Variants in MAOA observed in about 807,000 individuals in gnomAD.
MAOA encodes the protein amine oxidase [flavin-containing] A.
In MAOA, 6 loss-of-function variants were observed where a neutral mutation model predicts 42.0. That is an observed-to-expected ratio of 0.14 (90% CI 0.08 to 0.28). The LOEUF (loss-of-function observed/expected upper bound fraction) is 0.28, where lower values mean the gene tolerates loss of function less well. Ranked by LOEUF, MAOA falls within the 10% of genes least tolerant of loss-of-function variation. The pLI is 1.00. For missense variants in MAOA, 262 were observed against 422.3 expected (o/e 0.62, Z 3.33); for synonymous variants, 140 against 154.0 (o/e 0.91, Z 0.67).
At chrX:43,698,622 G>A (rs1418521084) in intron 3 of MAOA, among the ~76,000 whole-genome samples, 1 of 112,056 alleles carries the variant, frequency 8.9e-6, no homozygotes, top group Non-Finnish European at 1.9e-5. Context: ...CTGCCCTCAT[G>A]GTCCTTCTAA....
At chrX:43,706,525 C>T in intron 3 of MAOA, among the ~76,000 whole-genome samples, 1 of 110,742 alleles carries the variant, frequency 9.0e-6, no homozygotes, top group Middle Eastern at 4.7e-3. Flanking sequence ...TGGGTCATGC[C>T]TGTAATCCCA....
chrX:43,718,646 CGTT>C (rs1404709470), intron 5 of MAOA, among the ~76,000 whole-genome samples: 1 of 108,356 alleles, frequency 9.2e-6, no homozygotes, highest in Non-Finnish European at 1.9e-5. Context: ...GGCATGGTAT[CGTT>C]GTGGAATGAC....
At chrX:43,710,801 T>G (rs1261708970) in intron 3 of MAOA, among the ~76,000 whole-genome samples, 1 of 111,989 alleles carries the variant, frequency 8.9e-6, no homozygotes, top group African/African-American at 3.3e-5. Context: ...CATCTTCATA[T>G]TAGAGGTCTT....
Position 43,711,978 on chromosome X carries a change from T to C in MAOA, c.411+2T>C. 1.8e-5 allele frequency: 19 copies of C among 1,067,346 alleles called. No homozygotes were observed. The highest frequency in any genetic ancestry group is 2.5e-5 in the Non-Finnish European group (19 of 764,575). 88.0% of individuals were successfully genotyped at this position (1,067,346 alleles called of 1,213,427 possible). On this transcript the variant is annotated splice_donor_variant, in intron 4 of 14. Coordinates refer to ENST00000338702, the MANE Select transcript of MAOA (RefSeq NM_000240.4). LOFTEE classifies it high-confidence loss of function. ...ACAATAGATAACATGGGGAAGGAGG[T>C]AAAATGTGTGTTCAGTTTGCACATG...
chrX:43,723,527 A>G (rs1415380398), intron 5 of MAOA, among the ~76,000 whole-genome samples: 1 of 111,894 alleles, frequency 8.9e-6, no homozygotes, highest in Non-Finnish European at 1.9e-5. Flanking sequence ...ATTTTTGCAC[A>G]TTGATTTTGT....
intron 3 of MAOA, among the ~76,000 whole-genome samples, chrX:43,709,505 G>A (rs1445148022): frequency 1.8e-5 from 2 of 111,412 alleles, no homozygotes; most frequent in Non-Finnish European, 3.8e-5. Flanking sequence ...CGCCTCCTGG[G>A]TTCAAGCAAT....
intron 1 of MAOA, among the ~76,000 whole-genome samples, chrX:43,682,125 C>A: frequency 9.0e-6 from 1 of 111,247 alleles, no homozygotes; most frequent in Admixed American, 9.6e-5. Flanking sequence ...TCGTGATCCA[C>A]CTGCCTTGGC....
At position 43,736,211 on chromosome X, in the gene MAOA, T is replaced by C; in HGVS notation, c.1053-16T>C. On this transcript the variant is annotated splice_polypyrimidine_tract_variant and intron_variant, in intron 9 of 14. Coordinates refer to ENST00000338702, the MANE Select transcript of MAOA (RefSeq NM_000240.4). ...ACAGCTGTAACCTGATCATTCAATGTAACCTCTCTCTCCAGCTTCATTCTT... is the reference window on the plus strand; with the variant it reads ...ACAGCTGTAACCTGATCATTCAATGCAACCTCTCTCTCCAGCTTCATTCTT... 8.5e-7 allele frequency: 1 copy of C among 1,173,576 alleles called. No homozygotes were observed. The highest frequency in any genetic ancestry group is 1.2e-6 in the Non-Finnish European group (1 of 863,995).
At chrX:43,723,764 C>T (rs1327568086) in intron 5 of MAOA, among the ~76,000 whole-genome samples, 1 of 111,656 alleles carries the variant, frequency 9.0e-6, no homozygotes, top group Non-Finnish European at 1.9e-5. Context: ...TGCCAGTTTT[C>T]AAAGGGAATG....
chrX:43,682,608 A>G (rs752360510), intron 1 of MAOA, among the ~76,000 whole-genome samples: 1 of 112,291 alleles, frequency 8.9e-6, no homozygotes, highest in Admixed American at 9.4e-5. Flanking sequence ...ACACATCTCC[A>G]GTGCAGAATT....
At chrX:43,673,806 A>T (rs1311191699) in intron 1 of MAOA, among the ~76,000 whole-genome samples, 1 of 112,288 alleles carries the variant, frequency 8.9e-6, no homozygotes, top group Admixed American at 9.4e-5. Context: ...CTGTGGTCTC[A>T]GAGACAGTTT....
At chrX:43,736,339 C>T (rs748715768) in intron 10 of MAOA, 59 bp downstream of exon 10, 1 of 760,225 alleles carries the variant, frequency 1.3e-6, no homozygotes, top group South Asian at 2.2e-5. Flanking sequence ...TGTTTTTGCA[C>T]TGACAGTAGT....
chrX:43,660,278 C>A (rs1161163450), intron 1 of MAOA, among the ~76,000 whole-genome samples: 2 of 111,252 alleles, frequency 1.8e-5, no homozygotes, highest in African/African-American at 6.5e-5. Flanking sequence ...GGTTATGACC[C>A]CCTTCCCAGT....
At chrX:43,677,446 C>T (rs1434724744) in intron 1 of MAOA, among the ~76,000 whole-genome samples, 3 of 111,354 alleles carry the variant, frequency 2.7e-5, no homozygotes, top group Non-Finnish European at 5.6e-5. Flanking sequence ...ATCTAATAAC[C>T]AGGACCCACA....
intron 1 of MAOA, among the ~76,000 whole-genome samples, chrX:43,672,721 G>T (rs1298475264): frequency 1.8e-5 from 2 of 111,312 alleles, no homozygotes. Flanking sequence ...TTTGTCTTTG[G>T]TTCTGTTTAT....
chrX:43,727,368 C>T (rs1450973189), intron 5 of MAOA, among the ~76,000 whole-genome samples: 2 of 112,163 alleles, frequency 1.8e-5, no homozygotes, highest in African/African-American at 6.5e-5. Context: ...AGATGCCCTG[C>T]CCACAGAGGT....
intron 1 of MAOA, among the ~76,000 whole-genome samples, chrX:43,673,709 T>C (rs1160656088): frequency 1.8e-5 from 2 of 111,807 alleles, no homozygotes; most frequent in Non-Finnish European, 3.8e-5. Flanking sequence ...ATGTACCCAG[T>C]AGTCATTCAG....
At chrX:43,706,091 T>A (rs2033657196) in intron 3 of MAOA, among the ~76,000 whole-genome samples, 1 of 112,271 alleles carries the variant, frequency 8.9e-6, no homozygotes, top group South Asian at 3.7e-4. Context: ...GAAGAGTGAC[T>A]ACTAATAATT....
chrX:43,734,132 C>CTTT (rs745875170), intron 9 of MAOA, among the ~76,000 whole-genome samples: 1 of 62,432 alleles, frequency 1.6e-5, no homozygotes, highest in Non-Finnish European at 3.3e-5. Flanking sequence ...TTTGGGCTTT[C>CTTT]TTTTTTTTTT....
Sources: gnomAD v4.1 joint callset for allele counts (sites outside exome capture counted in the v4.1 genomes callset) on GRCh38, gnomAD v4.1.1 for gene constraint, MANE v1.5 for transcripts, NCBI Gene and HGNC (gene_info 2026-07-23, HGNC 2026-07-21) for gene names.